Variants in DYNC1LI2 observed in about 807,000 individuals in gnomAD.
DYNC1LI2 encodes the protein cytoplasmic dynein 1 light intermediate chain 2.
In DYNC1LI2, 19 loss-of-function variants were observed where a neutral mutation model predicts 57.8. That is an observed-to-expected ratio of 0.33 (90% CI 0.23 to 0.48). The LOEUF (loss-of-function observed/expected upper bound fraction) is 0.48. Ranked by LOEUF, DYNC1LI2 falls within the 20% of genes least tolerant of loss-of-function variation. The pLI is 0.99. For missense variants in DYNC1LI2, 470 were observed against 604.2 expected (o/e 0.78, Z 2.33); for synonymous variants, 256 against 233.4 (o/e 1.10, Z -0.88).
intron 4 of DYNC1LI2, chr16:66,738,926 CA>C (rs1206786743): frequency 6.2e-5 from 9 of 144,882 alleles, no homozygotes; most frequent in African/African-American, 2.3e-4. Context: ...CACACACACA[CA>C]CACACACAAA....
Position 66,732,446 on chromosome 16 carries a change from C to T in DYNC1LI2, c.822G>A (p.Val274=). The T allele has an allele frequency of 1.2e-6, 2 of 1,613,236 alleles. No individual in the cohort carries two copies. The highest frequency in any genetic ancestry group is 1.7e-6 in the Non-Finnish European group (2 of 1,179,944). Residue 274 remains valine, a synonymous_variant, in exon 7 of 13, where the codon GTG becomes GTA. Coordinates refer to ENST00000258198, the MANE Select transcript of DYNC1LI2 (RefSeq NM_006141.3). ...QYGAALIYTS[V]KEEKNLDLLY... is the part of the protein sequence containing the mutation. ...ACAAGTCGAGGTTTTTCTCTTCTTT[C>T]ACTGATGTGTAAATCAAGGCAGCTC...
At chr16:66,747,531 TAC>T (rs1289019305) in intron 3 of DYNC1LI2, among the ~76,000 whole-genome samples, 2 of 152,138 alleles carry the variant, frequency 1.3e-5, no homozygotes, top group African/African-American at 4.8e-5. Context: ...TCGTAATCTT[TAC>T]TGTTTAAATG....
chr16:66,723,807 AAC>A lies in DYNC1LI2; in HGVS notation c.1392_1393del (p.Leu465ValfsTer9). 6 of 1,601,180 alleles carry A rather than the reference AAC, an allele frequency of 3.7e-6. No homozygotes were observed. Among genetic ancestry groups the A allele is most frequent in the Non-Finnish European group, 5.1e-6 (6 of 1,177,196 alleles). On this transcript the variant is annotated frameshift_variant, in exon 13 of 13. Coordinates refer to ENST00000258198, the MANE Select transcript of DYNC1LI2 (RefSeq NM_006141.3). LOFTEE classifies it high-confidence loss of function. ...ATCCAGTTCTTCCTGAACATTTGAC[AAC>A]ACAGTCTTTTGTCCTGAAAAAAAAA...
intron 3 of DYNC1LI2, among the ~76,000 whole-genome samples, chr16:66,746,300 G>A (rs1441513568): frequency 6.6e-6 from 1 of 152,144 alleles, no homozygotes; most frequent in East Asian, 1.9e-4. Flanking sequence ...CAAACCTGGA[G>A]GCAGAGGTCC....
At chr16:66,747,235 T>C (rs1434915938) in intron 3 of DYNC1LI2, among the ~76,000 whole-genome samples, 4 of 151,662 alleles carry the variant, frequency 2.6e-5, no homozygotes, top group East Asian at 2.0e-4. Context: ...TGCGCCACCA[T>C]GCCTGGCTAA....
intron 3 of DYNC1LI2, among the ~76,000 whole-genome samples, chr16:66,745,449 TG>T (rs1236503544): frequency 1.3e-5 from 2 of 151,794 alleles, no homozygotes; most frequent in Non-Finnish European, 2.9e-5. Flanking sequence ...GGCTGATTTT[TG>T]TATTTTTAGT....
rs546780596 is a variant in DYNC1LI2 at position 66,750,538 on chromosome 16, C to T, written c.181+735G>A. Among the ~76,000 whole-genome samples, 3 of 152,306 alleles carry T rather than the reference C, an allele frequency of 2.0e-5. No homozygotes were observed. The South Asian group carries it at 6.2e-4, about 32-fold the overall frequency. On this transcript the variant is annotated intron_variant, in intron 2 of 12. Transcript: ENST00000258198. ...GCAAAATACTCAACCCCCGAATCAT[C>T]CTCCTTCACCAGCTCTAAGCAGTGT... is the stretch of plus-strand genomic sequence containing the variant.
intron 11 of DYNC1LI2, among the ~76,000 whole-genome samples, chr16:66,726,386 A>G (rs1396045228): frequency 2.0e-5 from 3 of 152,260 alleles, no homozygotes; most frequent in Non-Finnish European, 4.4e-5. Context: ...TTAATCTGAA[A>G]AGTAATTGAG....
intron 4 of DYNC1LI2, among the ~76,000 whole-genome samples, chr16:66,738,502 A>T (rs938017132): frequency 3.3e-5 from 5 of 151,568 alleles, no homozygotes; most frequent in Non-Finnish European, 5.9e-5. Context: ...CACCCACCTC[A>T]GTCTCCCAAA....
chr16:66,725,841 T>C lies in DYNC1LI2; in HGVS notation c.1365A>G (p.Thr455=). ...GSPGAGGVQS[T]AKKSGQKTVL... ...GCCCTTCTGTACCTGACTTCTTGGC[T>C]GTGCTCTGCACCCCACCAGCACCAG... Residue 455 remains threonine (T), a synonymous_variant, in exon 12 of 13, where the codon ACA becomes ACG. Coordinates refer to ENST00000258198, the MANE Select transcript of DYNC1LI2 (RefSeq NM_006141.3). 6.2e-7 allele frequency: 1 copy of C among 1,613,892 alleles called. No homozygotes were observed. The highest frequency in any genetic ancestry group is 1.1e-5 in the South Asian group (1 of 91,032).
At chr16:66,747,439 G>C (rs771546132) in intron 3 of DYNC1LI2, among the ~76,000 whole-genome samples, 8 of 152,094 alleles carry the variant, frequency 5.3e-5, no homozygotes, top group South Asian at 2.1e-4. Context: ...AAGGACCTTG[G>C]TTCAACTTTG....
intron 6 of DYNC1LI2, 110 bp from the exon 7 acceptor site, chr16:66,732,584 A>T: frequency 8.6e-7 from 1 of 1,165,780 alleles, no homozygotes; most frequent in Non-Finnish European, 1.1e-6. Context: ...TCAATATATG[A>T]GCAACAGAAA....
At chr16:66,730,364 C>T in intron 7 of DYNC1LI2, 141 bp from the exon 8 acceptor site, 1 of 667,286 alleles carries the variant, frequency 1.5e-6, no homozygotes, top group Non-Finnish European at 2.5e-6. Flanking sequence ...TAGCTTTTGG[C>T]AGATGTGCCA....
chr16:66,721,195 A>G lies in DYNC1LI2; in HGVS notation c.*2527T>C, dbSNP rs544427551. 2.6e-5 allele frequency: 4 copies of G among 152,768 alleles called. No homozygotes were observed. In the South Asian group the frequency reaches 8.3e-4, roughly 32 times the overall value. 9.5% of individuals were successfully genotyped at this position (152,768 alleles called of 1,614,324 possible). ...AAACATGACAATGTCTTCAGTTTAAATACCGATTTTAAAATGCCAATCAAA... is the reference window on the plus strand; with the variant it reads ...AAACATGACAATGTCTTCAGTTTAAGTACCGATTTTAAAATGCCAATCAAA... On this transcript the variant is annotated 3_prime_UTR_variant, in exon 13 of 13. Transcript: ENST00000258198.
chr16:66,723,153 G>T lies in DYNC1LI2; in HGVS notation c.*569C>A. ...CCCATTTTGCTTAGTGTTTTGTTTG[G>T]AAATGCTTCTAACAATGATTCTTCA... On this transcript the variant is annotated 3_prime_UTR_variant, in exon 13 of 13. Coordinates refer to ENST00000258198, the MANE Select transcript of DYNC1LI2 (RefSeq NM_006141.3). 1 of 340,900 alleles carries T rather than the reference G, an allele frequency of 2.9e-6. No individual in the cohort carries two copies. The highest frequency in any genetic ancestry group is 5.9e-6 in the Non-Finnish European group (1 of 169,894). 21.1% of individuals were successfully genotyped at this position (340,900 alleles called of 1,614,324 possible). A position where few individuals can be genotyped will look rare whatever the true frequency, so the allele number is the denominator to read the frequency against.
intron 3 of DYNC1LI2, among the ~76,000 whole-genome samples, chr16:66,746,263 C>T (rs1035372983): frequency 6.6e-6 from 1 of 152,196 alleles, no homozygotes; most frequent in Non-Finnish European, 1.5e-5. Context: ...GGAGATCACA[C>T]CACGTGTAGC....
In DYNC1LI2 at chr16:66,722,293, T is replaced by C. The variant is rs1202378830; in HGVS notation, c.*1429A>G. On this transcript the variant is annotated 3_prime_UTR_variant, in exon 13 of 13. Coordinates refer to ENST00000258198, the MANE Select transcript of DYNC1LI2 (RefSeq NM_006141.3). ...ATGCTTAGACACAGTACAACAAACATTCATATAAAAAAAGTAAACTCCACA... is the reference window on the plus strand; with the variant it reads ...ATGCTTAGACACAGTACAACAAACACTCATATAAAAAAAGTAAACTCCACA... 2 of 152,620 alleles carry C rather than the reference T, an allele frequency of 1.3e-5. No individual in the cohort carries two copies. Among genetic ancestry groups the C allele is most frequent in the Non-Finnish European group, 2.9e-5 (2 of 68,026 alleles). 9.5% of individuals were successfully genotyped at this position (152,620 alleles called of 1,614,324 possible). A position where few individuals can be genotyped will look rare whatever the true frequency, so the allele number is the denominator to read the frequency against.
intron 5 of DYNC1LI2, among the ~76,000 whole-genome samples, chr16:66,735,543 A>G (rs746927028): frequency 3.3e-5 from 5 of 151,124 alleles, no homozygotes; most frequent in Non-Finnish European, 7.4e-5. Context: ...GTCTCGCTCT[A>G]TCGCTCAGGC....
intron 3 of DYNC1LI2, among the ~76,000 whole-genome samples, chr16:66,748,578 T>G (rs2017982519): frequency 6.6e-6 from 1 of 152,138 alleles, no homozygotes; most frequent in Admixed American, 6.6e-5. Context: ...CATTCTTTCT[T>G]TTTTAAAAAA....
Sources: allele counts gnomAD v4.1 joint callset (sites outside exome capture counted in the v4.1 genomes callset), GRCh38; gene constraint gnomAD v4.1.1; transcripts MANE v1.5; gene names NCBI Gene and HGNC (gene_info 2026-07-23, HGNC 2026-07-21).